NFKB2: variants seen among roughly 807,000 people sequenced by gnomAD.
NFKB2 encodes nuclear factor kappa B subunit 2.
Under a neutral mutation model 109.3 loss-of-function variants are expected in NFKB2, and 21 were observed. That is an observed-to-expected ratio of 0.19 (90% CI 0.14 to 0.28). The LOEUF (loss-of-function observed/expected upper bound fraction) is 0.28. NFKB2 is among the 10% of genes least tolerant of loss of function. The pLI is 1.00. For missense variants in NFKB2, 806 were observed against 1,185.3 expected (o/e 0.68, Z 4.70); for synonymous variants, 478 against 489.9 (o/e 0.98, Z 0.32).
chr10:102,401,970 C>T lies in NFKB2; in HGVS notation c.2466+53C>T. On this transcript the variant is annotated intron_variant, in intron 21 of 22. Transcript: ENST00000661543. This position sits in a 1 kb window ranked among gnomAD's most constrained non-coding sequence, Gnocchi z 4.2. ...CCCAGCCTCCTTTCCCGATCTGAGT[C>T]CAGGTGCCTCCTTGGCCCCAGGGCT... The T allele has an allele frequency of 1.3e-6, 2 of 1,591,752 alleles. No homozygotes were observed. Among genetic ancestry groups the T allele is most frequent in the Non-Finnish European group, 1.7e-6 (2 of 1,167,360 alleles).
chr10:102,400,929 C>T lies in NFKB2; in HGVS notation c.1969-18C>T, dbSNP rs369213675. The T allele has an allele frequency of 3.4e-5, 54 of 1,606,140 alleles. No individual in the cohort carries two copies. Among genetic ancestry groups the T allele is most frequent in the Non-Finnish European group, 4.2e-5 (49 of 1,176,162 alleles). ...GGGACCATGCTGTGGTGTCAACTCTCGCTGCTCGCACCCCCAGCTCCGGGC... is the reference window on the plus strand; with the variant it reads ...GGGACCATGCTGTGGTGTCAACTCTTGCTGCTCGCACCCCCAGCTCCGGGC... On this transcript the variant is annotated intron_variant, in intron 17 of 22. Coordinates refer to ENST00000661543, the MANE Select transcript of NFKB2 (RefSeq NM_001322934.2). The surrounding 1 kb of genome is among the most constrained non-coding windows in gnomAD (Gnocchi z 6.3).
In NFKB2 at chr10:102,397,192, C is replaced by T. The variant is rs1275926882; in HGVS notation, c.396-110C>T. ...CCAAACCCAAGGGCCTAAGTAGAAA[C>T]TCCAATGGCTTCCTTGAGGAAGTAA... On this transcript the variant is annotated intron_variant, in intron 6 of 22. Coordinates refer to ENST00000661543, the MANE Select transcript of NFKB2 (RefSeq NM_001322934.2). This position sits in a 1 kb window ranked among gnomAD's most constrained non-coding sequence, Gnocchi z 4.7. The T allele has an allele frequency of 2.6e-6, 4 of 1,529,906 alleles. No homozygotes were observed. The highest frequency in any genetic ancestry group is 2.3e-5 in the East Asian group (1 of 44,382). The allele number at this position is 1,529,906 out of a possible 1,614,324, so 94.8% of individuals were successfully genotyped here. A position where few individuals can be genotyped will look rare whatever the true frequency, so the allele number is the denominator to read the frequency against.
chr10:102,401,616 C>T lies in NFKB2; in HGVS notation c.2293+98C>T. On this transcript the variant is annotated intron_variant, in intron 20 of 22. Transcript: ENST00000661543. The surrounding 1 kb of genome is among the most constrained non-coding windows in gnomAD (Gnocchi z 4.2). ...TGAAGGAGGCCTCCCTTTCTCTACC[C>T]TCAGCCCCGTCCATCACCCCTCATG... 6.5e-7 allele frequency: 1 copy of T among 1,532,058 alleles called. No individual in the cohort carries two copies. The highest frequency in any genetic ancestry group is 2.4e-4 in the Middle Eastern group (1 of 4,214). 94.9% of individuals were successfully genotyped at this position (1,532,058 alleles called of 1,614,324 possible).
chr10:102,399,066 A>G, intron 12 of NFKB2: 1 of 723,366 alleles, frequency 1.4e-6, no homozygotes, highest in Non-Finnish European at 2.2e-6. Context: ...TACAAACATT[A>G]GCTGGGCATG....
In NFKB2 at chr10:102,396,379, G is replaced by T. The variant is rs768606441; in HGVS notation, c.103+45G>T. ...TCCCCTAGTCCTAAAGCGGGGGAGG[G>T]AGAGCATGTGCCCTCTCTCTGGGGG... On this transcript the variant is annotated intron_variant, in intron 3 of 22. Coordinates refer to ENST00000661543, the MANE Select transcript of NFKB2 (RefSeq NM_001322934.2). The surrounding 1 kb of genome is among the most constrained non-coding windows in gnomAD (Gnocchi z 5.9). 6.2e-7 allele frequency: 1 copy of T among 1,613,912 alleles called. No homozygotes were observed. Among genetic ancestry groups the T allele is most frequent in the East Asian group, 2.2e-5 (1 of 44,888 alleles).
At position 102,399,731 on chromosome 10, in the gene NFKB2, G is replaced by A. The variant is rs892036144; in HGVS notation, c.1469+13G>A. ...AGAACGGAGACACGTAGGCAACAGA[G>A]GGCCTGGCGGACGAGGCGCGGGGTG... is the stretch of plus-strand genomic sequence containing the variant. On this transcript the variant is annotated intron_variant, in intron 14 of 22. Transcript: ENST00000661543. 15 of 1,453,458 alleles carry A rather than the reference G, an allele frequency of 1.0e-5. No individual in the cohort carries two copies. The highest frequency in any genetic ancestry group is 1.3e-5 in the Non-Finnish European group (14 of 1,102,394). The allele number at this position is 1,453,458 out of a possible 1,614,324, so 90.0% of individuals were successfully genotyped here. A position where few individuals can be genotyped will look rare whatever the true frequency, so the allele number is the denominator to read the frequency against.
In NFKB2 at chr10:102,395,888, G is replaced by A. The variant is rs2135427571; in HGVS notation, c.-72G>A. The A allele has an allele frequency of 6.4e-7, 1 of 1,560,892 alleles. No individual in the cohort carries two copies. The highest frequency in any genetic ancestry group is 8.7e-7 in the Non-Finnish European group (1 of 1,143,694). On this transcript the variant is annotated splice_region_variant and 5_prime_UTR_variant, in exon 2 of 23. Transcript: ENST00000661543. ...CCCACGCCACTCCTCCCAACTTTAG[G>A]CGGGCGTCTAAAATTCTGGGAAGCA...
Position 102,400,872 on chromosome 10 carries a change from G to A in NFKB2, c.1968+48G>A. 1 of 1,573,886 alleles carries A rather than the reference G, an allele frequency of 6.4e-7. No individual in the cohort carries two copies. Among genetic ancestry groups the A allele is most frequent in the South Asian group, 1.1e-5 (1 of 87,120 alleles). ...GAGTGGGGCCAAGGGTGGTGGAGGG[G>A]CCAAAGATGGTGAAGGGGGGGGCTG... On this transcript the variant is annotated intron_variant, in intron 17 of 22. Transcript: ENST00000661543. The surrounding 1 kb of genome is among the most constrained non-coding windows in gnomAD (Gnocchi z 6.3).
chr10:102,399,442 C>A lies in NFKB2; in HGVS notation c.1272C>A (p.Ser424Arg). The A allele has an allele frequency of 6.6e-7, 1 of 1,513,358 alleles. No homozygotes were observed. 93.7% of individuals were successfully genotyped at this position (1,513,358 alleles called of 1,614,324 possible). Residue 424 changes from serine to arginine, a missense_variant, in exon 13 of 23, where the codon AGC becomes AGA. Ser to Arg is a moderately radical substitution (Grantham distance 110). Coordinates refer to ENST00000661543, the MANE Select transcript of NFKB2 (RefSeq NM_001322934.2). The stretch of plus-strand genomic sequence containing the variant: ...CCGGGGAGGAAGCCGCGGAGCCAAG[C>A]GCCCCCTCCAGGACCCCCCAGTGCG... ...RDSGEEAAEP[S>R]APSRTPQCEP... is the part of the protein sequence containing the mutation.
At position 102,395,951 on chromosome 10, in the gene NFKB2, C is replaced by A; in HGVS notation, c.-9C>A. On this transcript the variant is annotated 5_prime_UTR_variant, in exon 2 of 23. Coordinates refer to ENST00000661543, the MANE Select transcript of NFKB2 (RefSeq NM_001322934.2). ...AGCCACTAGACAGAGCCGGGCCTAG[C>A]CCAGAGACATGGAGAGTTGCTACAA... The A allele has an allele frequency of 6.2e-7, 1 of 1,612,790 alleles. No individual in the cohort carries two copies.
At chr10:102,394,826 C>G (rs1273783826), upstream of NFKB2, 1 of 152,344 alleles carries the variant, frequency 6.6e-6, no homozygotes, top group East Asian at 1.9e-4. Flanking sequence ...TCCGTGCAGT[C>G]GCACTCGCAC....
In NFKB2 at chr10:102,400,414, C is replaced by G. The variant is rs1306352625; in HGVS notation, c.1721C>G (p.Ala574Gly). Reference protein sequence around the residue: ...MHLALRAGAGAPELLRALLQS... With the variant: ...MHLALRAGAGGPELLRALLQS... ...CTGGCGCTGCGGGCAGGCGCTGGTG[C>G]TCCTGAGCTGCTGCGTGCACTGCTT... The change falls in exon 16 of 23, where the codon GCT (alanine) becomes GGT (glycine). Residue 574 changes from alanine (A) to glycine (G), a missense_variant. Coordinates refer to ENST00000661543, the MANE Select transcript of NFKB2 (RefSeq NM_001322934.2). This position sits in a 1 kb window ranked among gnomAD's most constrained non-coding sequence, Gnocchi z 6.3. The G allele has an allele frequency of 1.2e-6, 2 of 1,612,934 alleles. No homozygotes were observed. The highest frequency in any genetic ancestry group is 1.7e-6 in the Non-Finnish European group (2 of 1,180,010).
upstream of NFKB2, chr10:102,394,334 C>G (rs1210394410): frequency 6.6e-6 from 1 of 152,278 alleles, no homozygotes; most frequent in African/African-American, 2.4e-5. Flanking sequence ...GGTGTCCTGT[C>G]ACCCCGCTCC....
chr10:102,397,650 T>C lies in NFKB2; in HGVS notation c.626T>C (p.Leu209Pro). ...AGTGATGGCTCCTTCTCCCTGCCCCTGAAGCCAGTCATCTCCCAGCCCATC... is the reference window on the plus strand; with the variant it reads ...AGTGATGGCTCCTTCTCCCTGCCCCCGAAGCCAGTCATCTCCCAGCCCATC... ...RASDGSFSLP[L>P]KPVISQPIHD... Residue 209 changes from leucine to proline, a missense_variant, in exon 8 of 23, where the codon CTG (leucine) becomes CCG (proline). Physicochemically the swap from Leu to Pro is moderately conservative, Grantham distance 98 (BLOSUM62 -3). Coordinates refer to ENST00000661543, the MANE Select transcript of NFKB2 (RefSeq NM_001322934.2). This position sits in a 1 kb window ranked among gnomAD's most constrained non-coding sequence, Gnocchi z 4.7. 6.2e-7 allele frequency: 1 copy of C among 1,613,242 alleles called. No homozygotes were observed.
Position 102,400,333 on chromosome 10 carries a change from T to G in NFKB2, c.1640T>G (p.Leu547Arg), listed in dbSNP as rs1241740058. The G allele has an allele frequency of 6.2e-7, 1 of 1,613,940 alleles. No homozygotes were observed. The highest frequency in any genetic ancestry group is 1.1e-5 in the South Asian group (1 of 91,076). Residue 547 changes from leucine to arginine, a missense_variant, in exon 16 of 23, where the codon CTG becomes CGG. Leu to Arg is a moderately radical substitution (Grantham distance 102). This residue lies in a region of NFKB2 where 163 missense variants were observed against 207.1 expected (regional missense o/e 0.79). Coordinates refer to ENST00000661543, the MANE Select transcript of NFKB2 (RefSeq NM_001322934.2). The surrounding 1 kb of genome is among the most constrained non-coding windows in gnomAD (Gnocchi z 6.3). ...CAGACGAGTGTGGTGAGCTTTCTGC[T>G]GCGGGTAGGTGCAGACCCAGCTCTG... is the stretch of plus-strand genomic sequence containing the variant. Reference protein sequence around the residue: ...TGQTSVVSFLLRVGADPALLD... With the variant: ...TGQTSVVSFLRRVGADPALLD...
At chr10:102,399,995 C>A in intron 14 of NFKB2, 85 bp from the exon 15 acceptor site, 1 of 1,387,274 alleles carries the variant, frequency 7.2e-7, no homozygotes. Context: ...TGGGCCCCAG[C>A]GAGGGAGACT....
chr10:102,397,713 A>T lies in NFKB2; in HGVS notation c.661+28A>T. The stretch of plus-strand genomic sequence containing the variant: ...GAGTATCCTGATTGCCTGGGGTGCC[A>T]GGCCTGGTGGCAGAGGTGGCATGAG... On this transcript the variant is annotated intron_variant, in intron 8 of 22. Transcript: ENST00000661543. The surrounding 1 kb of genome is among the most constrained non-coding windows in gnomAD (Gnocchi z 4.7). 6.3e-7 allele frequency: 1 copy of T among 1,592,394 alleles called. No homozygotes were observed. The highest frequency in any genetic ancestry group is 1.1e-5 in the South Asian group (1 of 90,108).
chr10:102,398,739 A>G lies in NFKB2; in HGVS notation c.992A>G (p.Asp331Gly). The change falls in exon 12 of 23, where the codon GAC becomes GGC. Residue 331 changes from aspartate (D) to glycine (G), a missense_variant and splice_region_variant. By Grantham distance (94) the Asp-to-Gly change is moderately conservative. Around this residue, in one of 10 missense-constraint regions of NFKB2, gnomAD observed 209 missense variants for 211.9 expected, o/e 0.99. Transcript: ENST00000661543. This position sits in a 1 kb window ranked among gnomAD's most constrained non-coding sequence, Gnocchi z 6.6. ...CAATCTCATTTTCCTCTGCCCCCAGACAAGGAAGAGGTGCAGCGGAAGCGG... is the reference window on the plus strand; with the variant it reads ...CAATCTCATTTTCCTCTGCCCCCAGGCAAGGAAGAGGTGCAGCGGAAGCGG... ...KQFTYYPLVE[D>G]KEEVQRKRRK... 1 of 1,612,294 alleles carries G rather than the reference A, an allele frequency of 6.2e-7. No individual in the cohort carries two copies. The highest frequency in any genetic ancestry group is 8.5e-7 in the Non-Finnish European group (1 of 1,180,010).
Position 102,399,443 on chromosome 10 carries a change from G to A in NFKB2, c.1273G>A (p.Ala425Thr), listed in dbSNP as rs768330336. 1.3e-6 allele frequency: 2 copies of A among 1,514,134 alleles called. No homozygotes were observed. The highest frequency in any genetic ancestry group is 1.8e-6 in the Non-Finnish European group (2 of 1,128,920). 93.8% of individuals were successfully genotyped at this position (1,514,134 alleles called of 1,614,324 possible). Residue 425 changes from alanine (A) to threonine (T), a missense_variant, in exon 13 of 23, where the codon GCC becomes ACC. Physicochemically the swap from Ala to Thr is moderately conservative, Grantham distance 58. Coordinates refer to ENST00000661543, the MANE Select transcript of NFKB2 (RefSeq NM_001322934.2). ...DSGEEAAEPS[A>T]PSRTPQCEPQ... The stretch of plus-strand genomic sequence containing the variant: ...CGGGGAGGAAGCCGCGGAGCCAAGC[G>A]CCCCCTCCAGGACCCCCCAGTGCGA...
Sources: allele counts gnomAD v4.1 joint callset, GRCh38; gene constraint gnomAD v4.1.1; regional missense constraint gnomAD v4.1.1; non-coding constraint Gnocchi (gnomAD v3.1); transcripts MANE v1.5; gene names NCBI Gene and HGNC (gene_info 2026-07-23, HGNC 2026-07-21).